Variants in BACH2 observed in about 807,000 individuals in gnomAD.
The protein encoded by BACH2 is BACH transcriptional regulator 2, also known as transcription regulator protein BACH2.
In BACH2, 5 loss-of-function variants were observed where a neutral mutation model predicts 61.8. That is an observed-to-expected ratio of 0.08 (90% CI 0.04 to 0.17). The LOEUF is 0.17. Ranked by LOEUF, BACH2 falls within the 10% of genes least tolerant of loss-of-function variation. The pLI is 1.00. For synonymous variants in BACH2, 446 were observed against 440.1 expected, an observed-to-expected ratio of 1.01 and a Z score of -0.17; for missense variants, 824 against 1,091.1, an observed-to-expected ratio of 0.76 and a Z score of 3.45.
intron 2 of BACH2, among the ~76,000 whole-genome samples, chr6:90,267,062 G>A (rs1398172271): frequency 2.0e-5 from 3 of 151,722 alleles, no homozygotes; most frequent in African/African-American, 7.3e-5. Context: ...AGCTGATCTT[G>A]AAGAAAAAAA....
At chr6:90,023,109 C>T (rs963528198) in intron 5 of BACH2, among the ~76,000 whole-genome samples, 3 of 152,180 alleles carry the variant, frequency 2.0e-5, no homozygotes, top group Admixed American at 1.3e-4. Context: ...AGAAACAAGA[C>T]ACAGGATAAT....
At chr6:90,229,593 C>T (rs995906658) in intron 3 of BACH2, among the ~76,000 whole-genome samples, 5 of 152,156 alleles carry the variant, frequency 3.3e-5, no homozygotes, top group Admixed American at 3.3e-4. Flanking sequence ...CAAGATTTTG[C>T]TCAATGAGGA....
At chr6:90,163,002 T>C (rs1767452884) in intron 4 of BACH2, among the ~76,000 whole-genome samples, 1 of 152,220 alleles carries the variant, frequency 6.6e-6, no homozygotes, top group Admixed American at 6.5e-5. Context: ...CCTTCAAATT[T>C]TCCTAAGTTC....
intron 3 of BACH2, among the ~76,000 whole-genome samples, chr6:90,226,077 A>G (rs549432226): frequency 1.3e-5 from 2 of 152,304 alleles, no homozygotes; most frequent in East Asian, 3.9e-4. Flanking sequence ...CCCTACAGAA[A>G]AGGCCCTAAA....
At chr6:90,244,981 G>A (rs1770584188) in intron 3 of BACH2, among the ~76,000 whole-genome samples, 1 of 151,986 alleles carries the variant, frequency 6.6e-6, no homozygotes. Flanking sequence ...ATCACCTGAG[G>A]TCAGGAGTTC....
chr6:90,063,965 C>T lies in BACH2; in HGVS notation c.-13+24996G>A, dbSNP rs923217483. Among the ~76,000 whole-genome samples the T allele has an allele frequency of 2.0e-5, 3 of 151,812 alleles. No homozygotes were observed. The South Asian group carries it at 6.3e-4, about 32-fold the overall frequency. ...GTACATAATATATTTAAACCAATGG[C>T]CTCTTAGAAATATGGCAAATGAAAG... is the stretch of plus-strand genomic sequence containing the variant. On this transcript the variant is annotated intron_variant, in intron 5 of 8. Coordinates refer to ENST00000257749, the MANE Select transcript of BACH2 (RefSeq NM_021813.4).
intron 4 of BACH2, among the ~76,000 whole-genome samples, chr6:90,130,735 G>A (rs1305176867): frequency 1.3e-5 from 2 of 152,242 alleles, no homozygotes; most frequent in African/African-American, 2.4e-5. Flanking sequence ...GACAGCTAGA[G>A]GCCATACTGC....
intron 4 of BACH2, among the ~76,000 whole-genome samples, chr6:90,174,198 A>T (rs1417136110): frequency 6.6e-6 from 1 of 152,080 alleles, no homozygotes; most frequent in Non-Finnish European, 1.5e-5. Flanking sequence ...AGTAATTCAA[A>T]TCTAATAATT....
intron 4 of BACH2, among the ~76,000 whole-genome samples, chr6:90,196,638 CT>C (rs1016305760): frequency 2.0e-5 from 3 of 151,490 alleles, no homozygotes; most frequent in East Asian, 3.9e-4. Context: ...TCACCCAACA[CT>C]TTTTTTTTCA....
chr6:90,014,664 C>T (rs928527482), intron 5 of BACH2, among the ~76,000 whole-genome samples: 9 of 150,404 alleles, frequency 6.0e-5, no homozygotes, highest in East Asian at 2.0e-4. Context: ...TTAGTAGAGA[C>T]GGGTTTCACC....
At chr6:90,288,674 T>C (rs928603105) in intron 1 of BACH2, among the ~76,000 whole-genome samples, 1 of 152,212 alleles carries the variant, frequency 6.6e-6, no homozygotes, top group Non-Finnish European at 1.5e-5. Context: ...TCTGGCAAGA[T>C]AATCTCTTCC....
chr6:90,206,014 TG>T (rs1221960535), intron 4 of BACH2, among the ~76,000 whole-genome samples: 12 of 152,198 alleles, frequency 7.9e-5, no homozygotes, highest in Non-Finnish European at 1.8e-4. Context: ...CTTGGAACTA[TG>T]TCTAAGGGAT....
rs145146483 is a variant in BACH2, at chr6:89,950,371, T to C, written c.1735A>G (p.Ile579Val). ...GTTCCATAAGACTGCTCACATTTAA[T>C]TTGGGGCCGCACTTGGTTGTACATT... is the stretch of plus-strand genomic sequence containing the variant. The part of the protein sequence containing the change: ...DGMYNQVRPQ[I>V]KCEQSYGTNS... The change falls in exon 7 of 9, where the codon ATT becomes GTT. Residue 579 changes from isoleucine to valine, a missense_variant. Ile to Val is a conservative substitution (Grantham distance 29, BLOSUM62 3). This residue lies in a region of BACH2 where 160 missense variants were observed against 283.5 expected (regional missense o/e 0.56). Coordinates refer to ENST00000257749, the MANE Select transcript of BACH2 (RefSeq NM_021813.4). The surrounding 1 kb of genome is among the most constrained non-coding windows in gnomAD (Gnocchi z 5.3). The C allele has an allele frequency of 1.6e-4, 263 of 1,614,148 alleles. No individual in the cohort carries two copies. In the African/African-American group the frequency reaches 2.9e-3, roughly 18 times the overall value.
chr6:90,023,896 T>C (rs1014530441), intron 5 of BACH2, among the ~76,000 whole-genome samples: 1 of 152,170 alleles, frequency 6.6e-6, no homozygotes, highest in Non-Finnish European at 1.5e-5. Context: ...ATGTTTGTTG[T>C]TTGAGCCACC....
chr6:90,006,966 A>G (rs1777438900), intron 6 of BACH2, among the ~76,000 whole-genome samples: 1 of 152,198 alleles, frequency 6.6e-6, no homozygotes, highest in Non-Finnish European at 1.5e-5. Context: ...AGCAGGGGTA[A>G]TAGCAGATGT....
intron 4 of BACH2, among the ~76,000 whole-genome samples, chr6:90,124,046 G>A (rs749864434): frequency 6.6e-6 from 1 of 152,082 alleles, no homozygotes; most frequent in Non-Finnish European, 1.5e-5. Flanking sequence ...TCCACTTAAG[G>A]GTGGCTGAGT....
chr6:90,091,922 G>A (rs1392959803), intron 4 of BACH2, among the ~76,000 whole-genome samples: 7 of 152,104 alleles, frequency 4.6e-5, no homozygotes, highest in African/African-American at 1.2e-4. Context: ...AGGTGTCAAC[G>A]CAGATAGAAT....
intron 3 of BACH2, among the ~76,000 whole-genome samples, chr6:90,214,069 A>G (rs1769446591): frequency 6.6e-6 from 1 of 152,218 alleles, no homozygotes; most frequent in Non-Finnish European, 1.5e-5. Flanking sequence ...AAAAAACTAA[A>G]CAAAAGAGAT....
At chr6:90,211,554 T>C (rs906919483) in intron 3 of BACH2, among the ~76,000 whole-genome samples, 2 of 151,728 alleles carry the variant, frequency 1.3e-5, no homozygotes, top group Non-Finnish European at 2.9e-5. Flanking sequence ...TTTAATCCTA[T>C]GCTCTTTAAA....
Sources: allele counts gnomAD v4.1 joint callset (sites outside exome capture counted in the v4.1 genomes callset), GRCh38; gene constraint gnomAD v4.1.1; regional missense constraint gnomAD v4.1.1; non-coding constraint Gnocchi (gnomAD v3.1); transcripts MANE v1.5; gene names NCBI Gene and HGNC (gene_info 2026-07-23, HGNC 2026-07-21).